CDH13: variants seen among roughly 807,000 people sequenced by gnomAD.
The protein encoded by CDH13 is cadherin-13.
CDH13 carries 24 observed loss-of-function variants against 63.8 expected under a neutral mutation model. The ratio of observed to expected loss-of-function variants is 0.38; its 90% CI spans 0.27 to 0.53. The LOEUF is 0.53. Ranked by LOEUF, CDH13 falls within the 20% of genes least tolerant of loss-of-function variation. The pLI is 0.85. For missense variants in CDH13, 1,049 were observed against 903.1 expected, an observed-to-expected ratio of 1.16 and a Z score of -2.07; for synonymous variants, 503 against 355.3, an observed-to-expected ratio of 1.42 and a Z score of -4.67.
intron 5 of CDH13, among the ~76,000 whole-genome samples, chr16:83,265,714 T>G (rs1232172406): frequency 8.0e-5 from 12 of 150,314 alleles, no homozygotes; most frequent in Non-Finnish European, 5.9e-5. Flanking sequence ...TTTCTGTTGC[T>G]TCTAAATTTC....
At chr16:83,541,609 G>T (rs754107661) in intron 7 of CDH13, among the ~76,000 whole-genome samples, 7 of 152,166 alleles carry the variant, frequency 4.6e-5, no homozygotes, top group Non-Finnish European at 7.3e-5. Flanking sequence ...CCATCCACAA[G>T]CTGAACCAAG....
At chr16:83,289,448 G>A (rs908585487) in intron 5 of CDH13, among the ~76,000 whole-genome samples, 2 of 152,154 alleles carry the variant, frequency 1.3e-5, no homozygotes, top group African/African-American at 2.4e-5. Context: ...GTGGAACCCA[G>A]ATATTGATAT....
At chr16:83,113,764 A>G (rs1429641307) in intron 3 of CDH13, among the ~76,000 whole-genome samples, 1 of 152,192 alleles carries the variant, frequency 6.6e-6, no homozygotes, top group Non-Finnish European at 1.5e-5. Context: ...GGGAAGTCAC[A>G]AGGTGAGAAG....
chr16:82,935,867 G>T (rs2042651026), intron 2 of CDH13, among the ~76,000 whole-genome samples: 1 of 152,172 alleles, frequency 6.6e-6, no homozygotes, highest in Non-Finnish European at 1.5e-5. Flanking sequence ...AAGAGAAAGA[G>T]AAACAGCTTC....
chr16:83,396,674 CT>C (rs1056249219), intron 6 of CDH13: 20 of 152,124 alleles, frequency 1.3e-4, no homozygotes, highest in African/African-American at 4.6e-4. Flanking sequence ...AGGTGCATGG[CT>C]TTTCTGAAGA....
chr16:83,665,187 C>T (rs1270330442), intron 8 of CDH13, among the ~76,000 whole-genome samples: 1 of 151,868 alleles, frequency 6.6e-6, no homozygotes, highest in Non-Finnish European at 1.5e-5. Flanking sequence ...AAAAAAGCTT[C>T]TTCCACACCA....
intron 6 of CDH13, among the ~76,000 whole-genome samples, chr16:83,374,851 C>T (rs1363118410): frequency 6.6e-6 from 1 of 152,210 alleles, no homozygotes; most frequent in African/African-American, 2.4e-5. Context: ...TATGAGCCTG[C>T]TGCAAGCCAG....
chr16:82,847,286 G>A (rs1192568987), intron 1 of CDH13, among the ~76,000 whole-genome samples: 2 of 152,190 alleles, frequency 1.3e-5, no homozygotes, highest in African/African-American at 4.8e-5. Context: ...AGTTTTGAAT[G>A]TCAGAAGTTC....
At chr16:82,803,759 G>C (rs922106449) in intron 1 of CDH13, among the ~76,000 whole-genome samples, 1 of 150,512 alleles carries the variant, frequency 6.6e-6, no homozygotes. Flanking sequence ...ACTTATATGA[G>C]GTATCTAAAA....
At chr16:83,384,145 T>C (rs1437965555) in intron 6 of CDH13, among the ~76,000 whole-genome samples, 2 of 152,156 alleles carry the variant, frequency 1.3e-5, no homozygotes, top group African/African-American at 4.8e-5. Context: ...CAATCTAATA[T>C]CTAAGGGTTT....
intron 1 of CDH13, among the ~76,000 whole-genome samples, chr16:82,646,075 A>C (rs1910057264): frequency 6.6e-6 from 1 of 152,260 alleles, no homozygotes; most frequent in South Asian, 2.1e-4. Flanking sequence ...GAGATGAACT[A>C]AGAGCATGCT....
intron 2 of CDH13, chr16:82,858,994 A>G (rs2039818907): frequency 6.5e-6 from 1 of 154,434 alleles, no homozygotes; most frequent in African/African-American, 2.4e-5. Flanking sequence ...TATTCTATGG[A>G]TTAAGCTCAA....
intron 2 of CDH13, among the ~76,000 whole-genome samples, chr16:82,952,390 C>T (rs1019109766): frequency 2.6e-5 from 4 of 152,124 alleles, no homozygotes; most frequent in African/African-American, 9.7e-5. Context: ...AAGTAATTAC[C>T]ATAGTCCCTG....
chr16:82,736,283 A>G (rs1215937353), intron 1 of CDH13, among the ~76,000 whole-genome samples: 1 of 152,128 alleles, frequency 6.6e-6, no homozygotes, highest in Non-Finnish European at 1.5e-5. Flanking sequence ...TAATCCTTGA[A>G]ACATGTTTAA....
chr16:83,059,786 T>G (rs1014984351), intron 3 of CDH13, among the ~76,000 whole-genome samples: 2 of 119,080 alleles, frequency 1.7e-5, no homozygotes, highest in African/African-American at 3.3e-5. Flanking sequence ...TGTTTTTTTT[T>G]TTGTTTGTTT....
intron 5 of CDH13, among the ~76,000 whole-genome samples, chr16:83,289,928 C>G (rs1317554787): frequency 1.3e-5 from 2 of 152,176 alleles, no homozygotes; most frequent in Non-Finnish European, 2.9e-5. Flanking sequence ...CTATAGCCAG[C>G]ACCCAGATTA....
chr16:82,867,260 T>C (rs2040182308), intron 2 of CDH13, among the ~76,000 whole-genome samples: 1 of 152,154 alleles, frequency 6.6e-6, no homozygotes, highest in South Asian at 2.1e-4. Flanking sequence ...CATCCATAGT[T>C]CTGTGGCCTA....
intron 10 of CDH13, chr16:83,726,382 C>CGTTT (rs1910387026): frequency 1.3e-5 from 2 of 151,870 alleles, no homozygotes; most frequent in East Asian, 3.9e-4. Context: ...TTCATTCATT[C>CGTTT]ATTTATTTAT....
At chr16:83,493,069 C>T (rs543160713) in intron 7 of CDH13, among the ~76,000 whole-genome samples, 1 of 152,224 alleles carries the variant, frequency 6.6e-6, no homozygotes, top group African/African-American at 2.4e-5. Context: ...CTCTCTAAAC[C>T]TCGATTTCTT....
Sources: gnomAD v4.1 joint callset for allele counts (sites outside exome capture counted in the v4.1 genomes callset) on GRCh38, gnomAD v4.1.1 for gene constraint, MANE v1.5 for transcripts, NCBI Gene and HGNC (gene_info 2026-07-23, HGNC 2026-07-21) for gene names.